Variants in CRADD observed in about 807,000 individuals in gnomAD.
The protein encoded by CRADD is death domain-containing protein CRADD.
CRADD carries 9 observed loss-of-function variants against 15.5 expected under a neutral mutation model. The ratio of observed to expected loss-of-function variants is 0.58; its 90% CI spans 0.35 to 1.01. The LOEUF (loss-of-function observed/expected upper bound fraction) is 1.01. Ranked by LOEUF, CRADD falls within the 50% of genes least tolerant of loss-of-function variation. CRADD has a pLI of 0.02. For synonymous variants in CRADD, 118 were observed against 107.6 expected (o/e 1.10, Z -0.60); for missense variants, 227 against 250.3 (o/e 0.91, Z 0.63).
chr12:93,885,142 A>C (rs754933776), intron 2 of CRADD, among the ~76,000 whole-genome samples: 3 of 152,134 alleles, frequency 2.0e-5, no homozygotes, highest in Non-Finnish European at 2.9e-5. Context: ...GGTTAACTGA[A>C]GTTTGGTGAG....
At chr12:93,700,938 A>T (rs1476320951) in intron 2 of CRADD, among the ~76,000 whole-genome samples, 1 of 152,026 alleles carries the variant, frequency 6.6e-6, no homozygotes, top group Non-Finnish European at 1.5e-5. Flanking sequence ...TGCGCTTCTG[A>T]GCATCTTGCA....
intron 2 of CRADD, chr12:93,815,922 CT>C (rs1375266556): frequency 6.6e-6 from 1 of 152,136 alleles, no homozygotes; most frequent in African/African-American, 2.4e-5. Context: ...CTGCTCACTC[CT>C]GTGAAGAATA....
At chr12:93,875,691 C>A (rs4761531) in intron 2 of CRADD, among the ~76,000 whole-genome samples, 59,089 of 151,792 alleles carry the variant, frequency 0.39, 12,126 homozygotes, top group Middle Eastern at 0.49. Context: ...AACACTAATA[C>A]AAGCTCTACA....
chr12:93,778,988 CTT>C (rs1957170503), intron 2 of CRADD, among the ~76,000 whole-genome samples: 1 of 152,146 alleles, frequency 6.6e-6, no homozygotes, highest in Admixed American at 6.5e-5. Flanking sequence ...AGCCTGTTCT[CTT>C]GTCAGTGGAG....
chr12:93,869,072 T>C (rs1484951402), intron 2 of CRADD, among the ~76,000 whole-genome samples: 1 of 152,180 alleles, frequency 6.6e-6, no homozygotes, highest in Non-Finnish European at 1.5e-5. Context: ...AGATACAGTT[T>C]GAAGTTAAAA....
intron 2 of CRADD, chr12:93,714,965 G>A (rs1956136474): frequency 6.6e-6 from 1 of 152,002 alleles, no homozygotes. Flanking sequence ...AAAAGAACAG[G>A]GTCTGCCGCA....
In CRADD at chr12:93,863,103, C is replaced by T. The variant is rs548856756; in HGVS notation, c.299-30947C>T. Among the ~76,000 whole-genome samples, 12 of 152,170 alleles carry T rather than the reference C, an allele frequency of 7.9e-5. 1 individual carries two copies. In the South Asian group the frequency reaches 1.9e-3, roughly 24 times the overall value. On this transcript the variant is annotated intron_variant, in intron 2 of 2. Coordinates refer to the CRADD transcript ENST00000548483. ...CATTTTTTATTATATGACTTGTATC[C>T]TTGCAAAATATCCCCTGGCTTGATA...
At chr12:93,851,854 G>A (rs1958226059), downstream of CRADD, among the ~76,000 whole-genome samples, 1 of 152,184 alleles carries the variant, frequency 6.6e-6, no homozygotes, top group Non-Finnish European at 1.5e-5. Flanking sequence ...ATAAATTTAT[G>A]GAATGGTAGA....
intron 2 of CRADD, among the ~76,000 whole-genome samples, chr12:93,829,090 G>A (rs537413444): frequency 5.4e-5 from 8 of 149,074 alleles, no homozygotes; most frequent in Non-Finnish European, 1.0e-4. Context: ...AAAATAAAAT[G>A]TTCTAATTCT....
intron 2 of CRADD, among the ~76,000 whole-genome samples, chr12:93,719,306 G>A (rs1055716661): frequency 1.3e-5 from 2 of 152,102 alleles, no homozygotes; most frequent in African/African-American, 2.4e-5. Context: ...ATCCCACTTG[G>A]TCATGGTGTA....
chr12:93,678,817 GAGC>G lies in CRADD; in HGVS notation c.44_46del (p.Glu15_Leu16delinsVal). On this transcript the variant is annotated inframe_deletion, in exon 2 of 3. Coordinates refer to ENST00000332896, the MANE Select transcript of CRADD (RefSeq NM_003805.5). ...ACAAGTACTCCGCTCACTTCGCCTG[GAGC>G]TGGGTGCAGAGGTATTGGTGGAGGG... 1 of 1,614,152 alleles carries G rather than the reference GAGC, an allele frequency of 6.2e-7. No homozygotes were observed. The highest frequency in any genetic ancestry group is 8.5e-7 in the Non-Finnish European group (1 of 1,180,020).
At chr12:93,681,920 G>T (rs12582135) in intron 2 of CRADD, among the ~76,000 whole-genome samples, 2 of 151,946 alleles carry the variant, frequency 1.3e-5, no homozygotes, top group African/African-American at 4.8e-5. Context: ...TATGTTTTTT[G>T]TGTGTGTGGG....
At chr12:93,884,927 G>A (rs1291575640) in intron 2 of CRADD, among the ~76,000 whole-genome samples, 1 of 152,092 alleles carries the variant, frequency 6.6e-6, no homozygotes, top group Non-Finnish European at 1.5e-5. Flanking sequence ...TCCTAAGGAG[G>A]GCATCTCTGT....
rs578237306 is a variant in CRADD, at chr12:93,825,295, C to T, written c.299-24675C>T. On this transcript the variant is annotated intron_variant, in intron 2 of 2. Coordinates refer to ENST00000332896, the MANE Select transcript of CRADD (RefSeq NM_003805.5). ...AGACATAGAGAATCATCTAGAAGAG[C>T]ACTGACTCTGGAGCCAGAAAGACCT... Among the ~76,000 whole-genome samples the T allele has an allele frequency of 7.9e-5, 12 of 152,304 alleles. No homozygotes were observed. In the East Asian group the frequency reaches 2.3e-3, roughly 29 times the overall value.
At chr12:93,878,622 C>CTA (rs992817932) in intron 2 of CRADD, among the ~76,000 whole-genome samples, 5 of 152,136 alleles carry the variant, frequency 3.3e-5, no homozygotes, top group Non-Finnish European at 5.9e-5. Context: ...AAACACAGCG[C>CTA]TATAGCCCAT....
chr12:93,718,449 A>G (rs1169847490), intron 2 of CRADD, among the ~76,000 whole-genome samples: 1 of 151,954 alleles, frequency 6.6e-6, no homozygotes, highest in Non-Finnish European at 1.5e-5. Context: ...TTAATTTTTA[A>G]TTTCACTTGG....
At chr12:93,871,328 T>G (rs2137066440) in intron 2 of CRADD, among the ~76,000 whole-genome samples, 1 of 152,154 alleles carries the variant, frequency 6.6e-6, no homozygotes, top group East Asian at 1.9e-4. Context: ...TTTAAAAATT[T>G]TGTGGGTACA....
At chr12:93,841,098 A>G (rs1958041856) in intron 2 of CRADD, among the ~76,000 whole-genome samples, 1 of 152,174 alleles carries the variant, frequency 6.6e-6, no homozygotes, top group African/African-American at 2.4e-5. Context: ...GATAATAATG[A>G]CTTTCCTCTT....
chr12:93,806,479 A>T (rs1957540863), intron 2 of CRADD, among the ~76,000 whole-genome samples: 1 of 149,886 alleles, frequency 6.7e-6, no homozygotes, highest in Non-Finnish European at 1.5e-5. Context: ...AAAACAAAAA[A>T]AAGAAAAAAA....
Sources: allele counts gnomAD v4.1 joint callset (sites outside exome capture counted in the v4.1 genomes callset), GRCh38; gene constraint gnomAD v4.1.1; transcripts MANE v1.5; gene names NCBI Gene and HGNC (gene_info 2026-07-23, HGNC 2026-07-21).